Variants in ADGRA3 observed in about 807,000 individuals in gnomAD.
The protein encoded by ADGRA3 is G-protein coupled receptor 125.
Under a neutral mutation model 119.8 loss-of-function variants are expected in ADGRA3, and 56 were observed. The ratio of observed to expected loss-of-function variants is 0.47; its 90% CI spans 0.38 to 0.58. The LOEUF (loss-of-function observed/expected upper bound fraction) is 0.58. ADGRA3 is among the 20% of genes least tolerant of loss of function. The pLI is 0.00. For missense variants in ADGRA3, 1,516 were observed against 1,649.0 expected, an observed-to-expected ratio of 0.92 and a Z score of 1.40; for synonymous variants, 607 against 623.8, an observed-to-expected ratio of 0.97 and a Z score of 0.40.
In ADGRA3 at chr4:22,409,890, G is replaced by A. The variant is rs75514405; in HGVS notation, c.2232+3292C>T. Reference sequence around the variant, plus strand: ...CAGTAGTTACTTATCAGTGTGATACGAGAGATAGGTAGGACTTCCAGCTTT... The same window carrying A: ...CAGTAGTTACTTATCAGTGTGATACAAGAGATAGGTAGGACTTCCAGCTTT... On this transcript the variant is annotated intron_variant, in intron 14 of 18. Transcript: ENST00000334304. Among the ~76,000 whole-genome samples the A allele has an allele frequency of 8.5e-3, 1,287 of 152,252 alleles. 21 individuals carry two copies. Among genetic ancestry groups the A allele is most frequent in the African/African-American group, 0.029 (1,200 of 41,552 alleles).
chr4:22,482,863 A>AGTAG (rs1379318998), intron 1 of ADGRA3, among the ~76,000 whole-genome samples: 1 of 152,162 alleles, frequency 6.6e-6, no homozygotes, highest in African/African-American at 2.4e-5. Flanking sequence ...TTTCTAAAAG[A>AGTAG]GGGCCTTGGG....
At position 22,473,754 on chromosome 4, in the gene ADGRA3, T is replaced by G; in HGVS notation, c.329+18A>C. On this transcript the variant is annotated intron_variant, in intron 2 of 18. Transcript: ENST00000334304. ...ATTAAACAAAATAATAATGAGATGA[T>G]AATTAAAGAATACTCACAATCTTTC... 1 of 1,444,342 alleles carries G rather than the reference T, an allele frequency of 6.9e-7. No homozygotes were observed. The allele number at this position is 1,444,342 out of a possible 1,614,324, so 89.5% of individuals were successfully genotyped here.
chr4:22,441,577 C>T (rs1318609178), intron 7 of ADGRA3, among the ~76,000 whole-genome samples: 1 of 152,144 alleles, frequency 6.6e-6, no homozygotes, highest in Admixed American at 6.6e-5. Flanking sequence ...AGATTTGGTT[C>T]ATAGACTGTA....
At chr4:22,390,331 T>C (rs1412556050) in intron 17 of ADGRA3, among the ~76,000 whole-genome samples, 2 of 133,346 alleles carry the variant, frequency 1.5e-5, no homozygotes, top group Non-Finnish European at 3.2e-5. Flanking sequence ...TATATATATA[T>C]ATATATAAAA....
chr4:22,498,155 G>A (rs1718909525), intron 1 of ADGRA3, among the ~76,000 whole-genome samples: 1 of 151,926 alleles, frequency 6.6e-6, no homozygotes, highest in Non-Finnish European at 1.5e-5. Flanking sequence ...TGGGGCAGGA[G>A]AATTGCTTGA....
chr4:22,430,815 A>AGGCATCCGAGGAAAATG (rs59815336), intron 10 of ADGRA3, among the ~76,000 whole-genome samples: 1 of 151,864 alleles, frequency 6.6e-6, no homozygotes, highest in Non-Finnish European at 1.5e-5. Context: ...CAGGCCTGTG[A>AGGCATCCGAGGAAAATG]TGGTTTCATA....
chr4:22,456,711 A>T (rs548569387), intron 3 of ADGRA3, among the ~76,000 whole-genome samples: 155 of 152,094 alleles, frequency 1.0e-3, no homozygotes, highest in Admixed American at 2.0e-3. Flanking sequence ...ATGTAAGCCA[A>T]TTCCCCCTAA....
intron 2 of ADGRA3, among the ~76,000 whole-genome samples, chr4:22,464,530 A>G (rs529229106): frequency 7.9e-5 from 12 of 152,270 alleles, no homozygotes; most frequent in South Asian, 4.1e-4. Context: ...TATGCAGAGG[A>G]TAAGTTCCCT....
intron 14 of ADGRA3, among the ~76,000 whole-genome samples, chr4:22,410,345 C>T (rs1715142696): frequency 1.3e-5 from 2 of 152,146 alleles, no homozygotes; most frequent in African/African-American, 4.8e-5. Context: ...CTTCCTGCCC[C>T]ACCTGGCTAT....
chr4:22,489,451 T>C (rs1011069646), intron 1 of ADGRA3, among the ~76,000 whole-genome samples: 8 of 152,136 alleles, frequency 5.3e-5, no homozygotes, highest in African/African-American at 1.7e-4. Context: ...TGTACACTAA[T>C]AGTTAAAATG....
chr4:22,483,105 C>A (rs1198677147), intron 1 of ADGRA3, among the ~76,000 whole-genome samples: 1 of 152,204 alleles, frequency 6.6e-6, no homozygotes, highest in Non-Finnish European at 1.5e-5. Flanking sequence ...CAGTCTCAGA[C>A]CTTTCCTTCC....
chr4:22,512,711 A>G (rs1719490063), intron 1 of ADGRA3, among the ~76,000 whole-genome samples: 1 of 152,198 alleles, frequency 6.6e-6, no homozygotes, highest in Admixed American at 6.5e-5. Flanking sequence ...GAGAGACGCA[A>G]GCATGAATTC....
At chr4:22,443,778 T>TCTTA (rs1408923717) in intron 6 of ADGRA3, among the ~76,000 whole-genome samples, 1 of 152,118 alleles carries the variant, frequency 6.6e-6, no homozygotes, top group Non-Finnish European at 1.5e-5. Context: ...TACAAAAAGG[T>TCTTA]CTTAACACTA....
intron 2 of ADGRA3, chr4:22,472,921 C>T (rs1717906401): frequency 6.6e-6 from 1 of 152,110 alleles, no homozygotes; most frequent in Non-Finnish European, 1.5e-5. Flanking sequence ...CCCGGTACAG[C>T]GTTCAGAATA....
At chr4:22,497,268 CTG>C (rs1464463919) in intron 1 of ADGRA3, among the ~76,000 whole-genome samples, 2 of 152,098 alleles carry the variant, frequency 1.3e-5, no homozygotes, top group African/African-American at 4.8e-5. Context: ...AATCTGCACA[CTG>C]TCCATAAAGT....
chr4:22,390,971 G>A (rs553600991), intron 17 of ADGRA3, among the ~76,000 whole-genome samples: 12 of 152,024 alleles, frequency 7.9e-5, no homozygotes, highest in Non-Finnish European at 1.5e-4. Flanking sequence ...CTGGGGCCAC[G>A]GAGCACCCCT....
intron 1 of ADGRA3, among the ~76,000 whole-genome samples, chr4:22,506,847 AC>A (rs1719256728): frequency 6.6e-6 from 1 of 152,240 alleles, no homozygotes; most frequent in Admixed American, 6.5e-5. Flanking sequence ...GCTAAACTGT[AC>A]ATCAAGCATT....
At chr4:22,488,769 A>C (rs374285611) in intron 1 of ADGRA3, among the ~76,000 whole-genome samples, 1 of 152,220 alleles carries the variant, frequency 6.6e-6, no homozygotes, top group Admixed American at 6.5e-5. Context: ...ATTTGGGGAA[A>C]ACATAATTTT....
At chr4:22,431,194 G>C (rs966937652) in intron 10 of ADGRA3, among the ~76,000 whole-genome samples, 1 of 152,138 alleles carries the variant, frequency 6.6e-6, no homozygotes, top group African/African-American at 2.4e-5. Flanking sequence ...AACTAGTGGA[G>C]CTGTGAGAAA....
Sources: gnomAD v4.1 joint callset for allele counts (sites outside exome capture counted in the v4.1 genomes callset) on GRCh38, gnomAD v4.1.1 for gene constraint, MANE v1.5 for transcripts, NCBI Gene and HGNC (gene_info 2026-07-23, HGNC 2026-07-21) for gene names.